TMA16: variants seen among roughly 807,000 people sequenced by gnomAD.
The protein encoded by TMA16 is translation machinery-associated protein 16.
A neutral mutation model predicts 27.1 loss-of-function variants in TMA16; 26 were observed. The observed-to-expected ratio is 0.96, with a 90% CI of 0.70 to 1.33. The LOEUF is 1.33. TMA16 is among the 40% of genes most tolerant of loss of function. TMA16 has a pLI of 0.00. For missense variants in TMA16, 233 were observed against 241.4 expected (o/e 0.97, Z 0.23); for synonymous variants, 71 against 81.9 (o/e 0.87, Z 0.72).
At chr4:163,512,751 G>T (rs1291330011) in intron 2 of TMA16, 71 bp from the exon 3 acceptor site, 9 of 1,167,192 alleles carry the variant, frequency 7.7e-6, no homozygotes, top group Middle Eastern at 2.1e-4. Context: ...TTTTCTTTTC[G>T]TTGTTATTGT....
intron 2 of TMA16, among the ~76,000 whole-genome samples, chr4:163,509,290 G>C (rs1268488769): frequency 6.6e-6 from 1 of 152,180 alleles, no homozygotes; most frequent in African/African-American, 2.4e-5. Context: ...AAGATACCCA[G>C]ATGGTTGGGA....
At position 163,519,730 on chromosome 4, in the gene TMA16, T is replaced by C; in HGVS notation, c.*216T>C. 1 of 540,562 alleles carries C rather than the reference T, an allele frequency of 1.8e-6. No individual in the cohort carries two copies. The highest frequency in any genetic ancestry group is 3.2e-6 in the Non-Finnish European group (1 of 315,500). The allele number at this position is 540,562 out of a possible 1,614,324, so 33.5% of individuals were successfully genotyped here. The stretch of plus-strand genomic sequence containing the variant: ...GTTGCTAAAATAGATAGATGTGATC[T>C]GCAGAAGTTGTTTAGTCTTCATCTG... On this transcript the variant is annotated 3_prime_UTR_variant, in exon 7 of 7. Transcript: ENST00000358572.
intron 1 of TMA16, among the ~76,000 whole-genome samples, chr4:163,505,972 A>G (rs1737713894): frequency 6.6e-6 from 1 of 152,088 alleles, no homozygotes; most frequent in Non-Finnish European, 1.5e-5. Context: ...CCCCTAATGT[A>G]TTCTTTCTGT....
intron 1 of TMA16, among the ~76,000 whole-genome samples, chr4:163,499,205 A>T (rs576760707): frequency 3.9e-5 from 6 of 152,110 alleles, no homozygotes; most frequent in Non-Finnish European, 8.8e-5. Flanking sequence ...TCTTTTTCAT[A>T]TTAATCTTAA....
intron 1 of TMA16, among the ~76,000 whole-genome samples, chr4:163,503,034 T>A (rs1416982614): frequency 6.6e-6 from 1 of 152,198 alleles, no homozygotes. Context: ...TACCTTTGTG[T>A]TACAGTTGCC....
Position 163,515,357 on chromosome 4 carries a change from A to G in TMA16, c.284A>G (p.His95Arg), listed in dbSNP as rs771460584. ...FSSELEQIELHNSIRDRQGRR... is the reference protein window; with the variant it reads ...FSSELEQIELRNSIRDRQGRR... Reference sequence around the variant, plus strand: ...AGTGAGCTGGAGCAGATTGAGTTACATAACAGTATCAGGGACAGGCAGGGG... The same window carrying G: ...AGTGAGCTGGAGCAGATTGAGTTACGTAACAGTATCAGGGACAGGCAGGGG... Residue 95 changes from histidine to arginine, a missense_variant, in exon 5 of 7, where the codon CAT (histidine) becomes CGT (arginine). Transcript: ENST00000358572. 23 of 1,613,548 alleles carry G rather than the reference A, an allele frequency of 1.4e-5. No individual in the cohort carries two copies. In the East Asian group the frequency reaches 3.8e-4, roughly 27 times the overall value.
At chr4:163,507,988 CTAG>C (rs1737741523) in intron 2 of TMA16, among the ~76,000 whole-genome samples, 1 of 151,736 alleles carries the variant, frequency 6.6e-6, no homozygotes, top group Non-Finnish European at 1.5e-5. Context: ...AGTGATTTGG[CTAG>C]AAGGAAATAA....
At chr4:163,507,660 C>T (rs1247879239) in intron 2 of TMA16, among the ~76,000 whole-genome samples, 1 of 151,876 alleles carries the variant, frequency 6.6e-6, no homozygotes, top group Non-Finnish European at 1.5e-5. Context: ...GATCAGTTCA[C>T]CTAAGGAGTA....
chr4:163,512,698 AT>A, intron 2 of TMA16, 123 bp from the exon 3 acceptor site: 1 of 596,492 alleles, frequency 1.7e-6, no homozygotes, highest in East Asian at 2.8e-5. Context: ...TTATTCTCAA[AT>A]TTGTAAAAGA....
chr4:163,495,567 ATTTT>A (rs1035920244), intron 1 of TMA16, among the ~76,000 whole-genome samples: 1 of 152,060 alleles, frequency 6.6e-6, no homozygotes. Flanking sequence ...TTTCTTGCCT[ATTTT>A]TTACGTAATC....
chr4:163,500,754 A>T (rs1354978212), intron 1 of TMA16, among the ~76,000 whole-genome samples: 1 of 152,188 alleles, frequency 6.6e-6, no homozygotes, highest in African/African-American at 2.4e-5. Context: ...TCCCAGGAGC[A>T]ATTAATTTAG....
At position 163,519,483 on chromosome 4, in the gene TMA16, A is replaced by G; in HGVS notation, c.581A>G (p.Asp194Gly). Residue 194 changes from aspartate to glycine, a missense_variant, in exon 7 of 7, where the codon GAT (aspartate) becomes GGT (glycine). Physicochemically the swap from Asp to Gly is moderately conservative, Grantham distance 94. Coordinates refer to ENST00000358572, the MANE Select transcript of TMA16 (RefSeq NM_018352.3). The part of the protein sequence containing the change: ...GELELNDESS[D>G]SDEEMTAVA The stretch of plus-strand genomic sequence containing the variant: ...TTGGAACTAAACGATGAATCAAGTG[A>G]TTCAGATGAGGAAATGACTGCAGTG... 6.2e-7 allele frequency: 1 copy of G among 1,601,048 alleles called. No homozygotes were observed. The highest frequency in any genetic ancestry group is 8.5e-7 in the Non-Finnish European group (1 of 1,175,798).
At chr4:163,509,299 G>C (rs964730629) in intron 2 of TMA16, among the ~76,000 whole-genome samples, 1 of 152,154 alleles carries the variant, frequency 6.6e-6, no homozygotes, top group African/African-American at 2.4e-5. Flanking sequence ...AGATGGTTGG[G>C]ACAACTTTAA....
At chr4:163,503,542 C>CT (rs1445510423) in intron 1 of TMA16, among the ~76,000 whole-genome samples, 4 of 152,236 alleles carry the variant, frequency 2.6e-5, no homozygotes, top group African/African-American at 9.6e-5. Context: ...TAAAATAACT[C>CT]TATTATGTCG....
intron 1 of TMA16, among the ~76,000 whole-genome samples, chr4:163,502,867 A>C (rs2110794097): frequency 6.6e-6 from 1 of 152,292 alleles, no homozygotes; most frequent in South Asian, 2.1e-4. Flanking sequence ...CTGGTGTAAA[A>C]TTGGTACATC....
chr4:163,498,103 A>G (rs1279388785), intron 1 of TMA16, among the ~76,000 whole-genome samples: 2 of 152,154 alleles, frequency 1.3e-5, no homozygotes, highest in Non-Finnish European at 2.9e-5. Flanking sequence ...CTTTTTAAAC[A>G]GTGAATATTC....
chr4:163,519,296 A>G, intron 6 of TMA16, 38 bp from the exon 7 acceptor site: 1 of 1,513,390 alleles, frequency 6.6e-7, no homozygotes, highest in South Asian at 1.3e-5. Context: ...AACTCTTACC[A>G]ACACTCTGCA....
At chr4:163,511,642 C>T (rs867148587) in intron 2 of TMA16, among the ~76,000 whole-genome samples, 66 of 148,726 alleles carry the variant, frequency 4.4e-4, no homozygotes, top group African/African-American at 1.4e-3. Context: ...GAGACTCTGT[C>T]TCTACAAAAA....
rs72989835 is a variant in TMA16, at chr4:163,505,837, C to G, written c.4-1196C>G. Among the ~76,000 whole-genome samples the G allele has an allele frequency of 8.6e-3, 1,314 of 152,216 alleles. 26 individuals are homozygous for G. Among genetic ancestry groups the G allele is most frequent in the African/African-American group, 0.029 (1,225 of 41,534 alleles). On this transcript the variant is annotated intron_variant, in intron 1 of 6. Coordinates refer to ENST00000358572, the MANE Select transcript of TMA16 (RefSeq NM_018352.3). ...CGAAGAAAGGACTAGTGGGGAGAAT[C>G]TAAAGACTATCCTGATTATGAAAGA... is the stretch of plus-strand genomic sequence containing the variant.
Sources: gnomAD v4.1 joint callset for allele counts (sites outside exome capture counted in the v4.1 genomes callset) on GRCh38, gnomAD v4.1.1 for gene constraint, MANE v1.5 for transcripts, NCBI Gene and HGNC (gene_info 2026-07-23, HGNC 2026-07-21) for gene names.